TANGO6: variants seen among roughly 807,000 people sequenced by gnomAD.
TANGO6 encodes the protein transport and Golgi organization protein 6 homolog.
A neutral mutation model predicts 114.2 loss-of-function variants in TANGO6; 90 were observed. The observed-to-expected ratio is 0.79, with a 90% confidence interval of 0.66 to 0.94. TANGO6 has a LOEUF of 0.94. Ranked by LOEUF, TANGO6 falls within the 40% of genes least tolerant of loss-of-function variation. The probability of loss-of-function intolerance (pLI) is 0.00; values close to 1 mark genes in which losing one functional copy is unlikely to be tolerated. For synonymous variants in TANGO6, 477 were observed against 509.8 expected (o/e 0.94, Z 0.87); for missense variants, 1,274 against 1,315.3 (o/e 0.97, Z 0.49).
intron 1 of TANGO6, among the ~76,000 whole-genome samples, chr16:68,848,012 A>C (rs1326349504): frequency 6.6e-6 from 1 of 151,840 alleles, no homozygotes; most frequent in African/African-American, 2.4e-5. Context: ...AAAAAAAAAA[A>C]AAAAAAACTA....
chr16:68,846,312 G>T (rs544466156), intron 1 of TANGO6, among the ~76,000 whole-genome samples: 3 of 151,968 alleles, frequency 2.0e-5, no homozygotes, highest in African/African-American at 7.3e-5. Context: ...GATTACAGGC[G>T]CGAGCCACCA....
At chr16:69,052,380 C>T (rs1353056409) in intron 17 of TANGO6, among the ~76,000 whole-genome samples, 1 of 151,588 alleles carries the variant, frequency 6.6e-6, no homozygotes, top group African/African-American at 2.4e-5. Context: ...GCAATCCTCC[C>T]ACTTCAGCCT....
intron 15 of TANGO6, among the ~76,000 whole-genome samples, chr16:68,978,437 GT>G (rs1457031436): frequency 6.6e-6 from 1 of 152,148 alleles, no homozygotes; most frequent in African/African-American, 2.4e-5. Flanking sequence ...CCTTCTTTCT[GT>G]AGCCTACTCT....
chr16:69,029,260 G>A (rs1320500508), intron 16 of TANGO6, among the ~76,000 whole-genome samples: 1 of 152,138 alleles, frequency 6.6e-6, no homozygotes, highest in Non-Finnish European at 1.5e-5. Context: ...CTTGGGAATG[G>A]GAATGAATGA....
In TANGO6 at chr16:68,843,581, C is replaced by A; in HGVS notation, c.-37C>A. 4 of 1,602,154 alleles carry A rather than the reference C, an allele frequency of 2.5e-6. No individual in the cohort carries two copies. Among genetic ancestry groups the A allele is most frequent in the Non-Finnish European group, 3.4e-6 (4 of 1,172,456 alleles). ...GCGGCGGCGGCGCCCTGCCGAGGCG[C>A]CTGAGCGGGTCGCGAGCGTGGTGTT... On this transcript the variant is annotated 5_prime_UTR_variant, in exon 1 of 18. Coordinates refer to ENST00000261778, the MANE Select transcript of TANGO6 (RefSeq NM_024562.2).
In TANGO6 at chr16:68,967,888, C is replaced by T. The variant is rs779771765; in HGVS notation, c.2702-6140C>T. On this transcript the variant is annotated intron_variant, in intron 14 of 17. Transcript: ENST00000261778. ...TGCAAGAGTACTAAGTAAAAGTACA[C>T]GACACCCAAACTCCTTTTGCTACTC... Among the ~76,000 whole-genome samples the T allele has an allele frequency of 5.9e-5, 9 of 152,150 alleles. 1 individual carries two copies. The highest frequency in any genetic ancestry group is 1.9e-4 in the African/African-American group (8 of 41,496).
chr16:69,043,880 G>T (rs1016616758), intron 17 of TANGO6, among the ~76,000 whole-genome samples: 1 of 152,164 alleles, frequency 6.6e-6, no homozygotes, highest in Admixed American at 6.6e-5. Context: ...TTGTGGATGC[G>T]TCAGCCAAGG....
At chr16:68,901,855 A>G (rs1962789742) in intron 8 of TANGO6, among the ~76,000 whole-genome samples, 1 of 152,150 alleles carries the variant, frequency 6.6e-6, no homozygotes, top group South Asian at 2.1e-4. Flanking sequence ...CTGACAAGGA[A>G]CATGTGAACG....
chr16:68,928,580 G>T (rs918852625), intron 13 of TANGO6, among the ~76,000 whole-genome samples: 3 of 151,842 alleles, frequency 2.0e-5, no homozygotes, highest in African/African-American at 7.3e-5. Context: ...GATTACAGGC[G>T]TGAGCCACCA....
chr16:68,917,753 T>C (rs1319330951), intron 11 of TANGO6, among the ~76,000 whole-genome samples: 1 of 152,088 alleles, frequency 6.6e-6, no homozygotes, highest in Non-Finnish European at 1.5e-5. Context: ...TCATTTTTAA[T>C]TGGGCTCTTT....
Position 68,843,705 on chromosome 16 carries a change from C to T in TANGO6, c.88C>T (p.Pro30Ser). ...GGAGGCATTGAAGCTGCTGCTGAGCCCGGGAGGTGAGAGGACGCATCTCCG... is the reference window on the plus strand; with the variant it reads ...GGAGGCATTGAAGCTGCTGCTGAGCTCGGGAGGTGAGAGGACGCATCTCCG... ...ILEALKLLLSPGGSGSSSLQV... is the reference protein window; with the variant it reads ...ILEALKLLLSSGGSGSSSLQV... Residue 30 changes from proline to serine, a missense_variant, in exon 1 of 18, where the codon CCG (proline) becomes TCG (serine). Coordinates refer to ENST00000261778, the MANE Select transcript of TANGO6 (RefSeq NM_024562.2). 1 of 1,613,546 alleles carries T rather than the reference C, an allele frequency of 6.2e-7. No individual in the cohort carries two copies. Among genetic ancestry groups the T allele is most frequent in the Non-Finnish European group, 8.5e-7 (1 of 1,179,666 alleles).
At chr16:68,900,380 G>T in intron 7 of TANGO6, 54 bp from the exon 8 acceptor site, 1 of 1,466,906 alleles carries the variant, frequency 6.8e-7, no homozygotes, top group Non-Finnish European at 9.5e-7. Flanking sequence ...TGTGATTCCC[G>T]TTGCTCTGGC....
At chr16:68,942,351 A>G (rs1200788092) in intron 14 of TANGO6, among the ~76,000 whole-genome samples, 1 of 152,198 alleles carries the variant, frequency 6.6e-6, no homozygotes. Context: ...ATGGATGTTA[A>G]AACCTTAATC....
intron 9 of TANGO6, among the ~76,000 whole-genome samples, chr16:68,904,949 G>T (rs763217163): frequency 6.6e-6 from 1 of 152,086 alleles, no homozygotes; most frequent in African/African-American, 2.4e-5. Flanking sequence ...AAGGCCAGGC[G>T]CAGTGGCTCA....
chr16:68,896,375 G>A (rs187877251), intron 7 of TANGO6, among the ~76,000 whole-genome samples: 3 of 152,096 alleles, frequency 2.0e-5, no homozygotes. Context: ...TTGGGCTGGA[G>A]TGCAATGGCT....
intron 17 of TANGO6, among the ~76,000 whole-genome samples, chr16:69,045,232 A>G (rs1045659872): frequency 6.7e-6 from 1 of 150,356 alleles, no homozygotes; most frequent in Non-Finnish European, 1.5e-5. Context: ...AGGCGGGCGG[A>G]TCATGAGGTC....
chr16:68,989,051 A>G (rs922128785), intron 15 of TANGO6, among the ~76,000 whole-genome samples: 3 of 152,018 alleles, frequency 2.0e-5, no homozygotes, highest in African/African-American at 2.4e-5. Context: ...TTTTGTGGGA[A>G]TGGGTTTTCA....
chr16:69,083,479 A>G lies in TANGO6; in HGVS notation c.3109-6A>G. ...ACAGGCGGTCATGGCTGTCTCTCTC[A>G]TGCAGGTGCTGAGCGCCGTCCTCAA... On this transcript the variant is annotated splice_polypyrimidine_tract_variant and splice_region_variant and intron_variant, in intron 17 of 17. Transcript: ENST00000261778. 1.2e-6 allele frequency: 2 copies of G among 1,605,580 alleles called. No individual in the cohort carries two copies. Among genetic ancestry groups the G allele is most frequent in the Non-Finnish European group, 8.5e-7 (1 of 1,175,428 alleles).
chr16:68,844,423 T>G (rs928820354), intron 1 of TANGO6, among the ~76,000 whole-genome samples: 5 of 152,028 alleles, frequency 3.3e-5, no homozygotes, highest in African/African-American at 9.7e-5. Flanking sequence ...TCAGACAAAT[T>G]GTTCAGTATA....
Sources: gnomAD v4.1 joint callset for allele counts (sites outside exome capture counted in the v4.1 genomes callset) on GRCh38, gnomAD v4.1.1 for gene constraint, MANE v1.5 for transcripts, NCBI Gene and HGNC (gene_info 2026-07-23, HGNC 2026-07-21) for gene names.